The following MFSD6 variants were observed in gnomAD, a reference collection of about 807,000 sequenced individuals.
MFSD6 encodes major facilitator superfamily domain containing 6.
In MFSD6, 26 loss-of-function variants were observed where a neutral mutation model predicts 56.3. That is an observed-to-expected ratio of 0.46 (90% CI 0.34 to 0.64). The LOEUF is 0.64. Ranked by LOEUF, MFSD6 falls within the 30% of genes least tolerant of loss-of-function variation. The pLI, the probability that MFSD6 is intolerant of heterozygous loss-of-function variation, is 0.01. For missense variants in MFSD6, 750 were observed against 986.2 expected (o/e 0.76, Z 3.21); for synonymous variants, 331 against 366.9 (o/e 0.90, Z 1.12).
rs146671728 is a variant in MFSD6, at chr2:190,483,696, G to A, written c.1631-4961G>A. ...CTAAGGGTACGAAAATTAGCTGGGC[G>A]TGGTGGCACACACCTGTAGTCCCAG... On this transcript the variant is annotated intron_variant, in intron 4 of 7. Transcript: ENST00000392328. 8.7e-3 allele frequency among the ~76,000 whole-genome samples: 1,319 copies of A among 152,082 alleles called. 13 individuals are homozygous for A. The highest frequency in any genetic ancestry group is 0.028 in the African/African-American group (1,164 of 41,486).
Position 190,465,662 on chromosome 2 carries a change from G to T in MFSD6, c.1533-4096G>T, listed in dbSNP as rs1047404530. 3.9e-5 allele frequency among the ~76,000 whole-genome samples: 6 copies of T among 152,022 alleles called. No homozygotes were observed. The highest frequency in any genetic ancestry group is 5.9e-5 in the Non-Finnish European group (4 of 68,004). On this transcript the variant is annotated intron_variant, in intron 3 of 7. Coordinates refer to ENST00000392328, the MANE Select transcript of MFSD6 (RefSeq NM_017694.4). This position sits in a 1 kb window ranked among gnomAD's most constrained non-coding sequence, Gnocchi z 4.6. ...AGAGTGAATGTGTTCATTTGCTTGG[G>T]TTACCACAAAGTACCACGGTCTGGG...
rs930870389 is a variant in MFSD6, at chr2:190,436,713, C to T, written c.684C>T (p.Pro228=). The stretch of plus-strand genomic sequence containing the variant: ...TGAACAGTGAACCCACTCTGCAGCC[C>T]CAGACAGGTGAAATTACTAACCGTA... ...PNMNSEPTLQ[P]QTGEITNRMM... The change falls in exon 3 of 8, where the codon CCC becomes CCT. Residue 228 remains proline, a synonymous_variant. Coordinates refer to ENST00000392328, the MANE Select transcript of MFSD6 (RefSeq NM_017694.4). The surrounding 1 kb of genome is among the most constrained non-coding windows in gnomAD (Gnocchi z 5.3). 6.2e-6 allele frequency: 10 copies of T among 1,614,060 alleles called. No individual in the cohort carries two copies. The highest frequency in any genetic ancestry group is 8.5e-6 in the Non-Finnish European group (10 of 1,180,052).
rs1689251174 is a variant in MFSD6, at chr2:190,490,162, T to C, written c.1891+296T>C. Among the ~76,000 whole-genome samples the C allele has an allele frequency of 6.6e-6, 1 of 151,872 alleles. No individual in the cohort carries two copies. The highest frequency in any genetic ancestry group is 2.4e-5 in the African/African-American group (1 of 41,334). Reference sequence around the variant, plus strand: ...TTCAATTTCTCTGGTATTCTAAAGGTTTTTCAAATTTAAGTCAAATACATA... The same window carrying C: ...TTCAATTTCTCTGGTATTCTAAAGGCTTTTCAAATTTAAGTCAAATACATA... On this transcript the variant is annotated intron_variant, in intron 6 of 7. Transcript: ENST00000392328. This position sits in a 1 kb window ranked among gnomAD's most constrained non-coding sequence, Gnocchi z 4.5.
chr2:190,486,969 T>A (rs953637743), intron 4 of MFSD6, among the ~76,000 whole-genome samples: 3 of 152,358 alleles, frequency 2.0e-5, no homozygotes, highest in Admixed American at 6.5e-5. Context: ...TGTCTTCCTC[T>A]CATTCCCATA....
At chr2:190,411,158 GTAGTTTT>G (rs762340279) in intron 1 of MFSD6, 13 of 913,848 alleles carry the variant, frequency 1.4e-5, no homozygotes, top group South Asian at 5.1e-5. Flanking sequence ...ACTGTTGACA[GTAGTTTT>G]TTTTTTTTTT....
intron 4 of MFSD6, among the ~76,000 whole-genome samples, chr2:190,472,993 A>G (rs1227742764): frequency 1.3e-5 from 2 of 152,214 alleles, no homozygotes; most frequent in Non-Finnish European, 2.9e-5. Context: ...ACTAAGCTTT[A>G]TAAGTGAAGG....
chr2:190,436,535 C>A lies in MFSD6; in HGVS notation c.506C>A (p.Pro169His). The change falls in exon 3 of 8, where the codon CCC (proline) becomes CAC (histidine). Residue 169 changes from proline (P) to histidine (H), a missense_variant. By Grantham distance (77) the Pro-to-His change is moderately conservative (BLOSUM62 -2). Transcript: ENST00000392328. The surrounding 1 kb of genome is among the most constrained non-coding windows in gnomAD (Gnocchi z 5.3). ...CCAAAGATTCGCCCAACAACTCACCCCACCAATGCAAGTCACCAGTTAACT... is the reference window on the plus strand; with the variant it reads ...CCAAAGATTCGCCCAACAACTCACCACACCAATGCAAGTCACCAGTTAACT... The part of the protein sequence containing the change: ...CVPKIRPTTH[P>H]TNASHQLTIL... 6.2e-7 allele frequency: 1 copy of A among 1,614,232 alleles called. No homozygotes were observed. Among genetic ancestry groups the A allele is most frequent in the Non-Finnish European group, 8.5e-7 (1 of 1,180,040 alleles).
Position 190,465,719 on chromosome 2 carries a change from G to A in MFSD6, c.1533-4039G>A, listed in dbSNP as rs146020180. Among the ~76,000 whole-genome samples the A allele has an allele frequency of 1.8e-3, 273 of 152,226 alleles. 1 individual carries two copies. Among genetic ancestry groups the A allele is most frequent in the African/African-American group, 6.0e-3 (250 of 41,552 alleles). On this transcript the variant is annotated intron_variant, in intron 3 of 7. Coordinates refer to ENST00000392328, the MANE Select transcript of MFSD6 (RefSeq NM_017694.4). The surrounding 1 kb of genome is among the most constrained non-coding windows in gnomAD (Gnocchi z 4.6). Reference sequence around the variant, plus strand: ...AAAAAACAGAAGTTTATGGCCGGGCGTGGTGGCTCACGCCTATAATCCCAG... The same window carrying A: ...AAAAAACAGAAGTTTATGGCCGGGCATGGTGGCTCACGCCTATAATCCCAG...
Position 190,469,108 on chromosome 2 carries a change from T to G in MFSD6, c.1533-650T>G, listed in dbSNP as rs995654574. Among the ~76,000 whole-genome samples the G allele has an allele frequency of 6.6e-6, 1 of 152,198 alleles. No individual in the cohort carries two copies. Among genetic ancestry groups the G allele is most frequent in the Admixed American group, 6.5e-5 (1 of 15,272 alleles). ...GGGGTGAGAGAATGCAAGAGGTTGG[T>G]GTATATTTATTAGTTTTGTAAACAT... On this transcript the variant is annotated intron_variant, in intron 3 of 7. Transcript: ENST00000392328. The surrounding 1 kb of genome is among the most constrained non-coding windows in gnomAD (Gnocchi z 5.3).
chr2:190,411,276 C>T (rs537336140), intron 1 of MFSD6: 3 of 462,856 alleles, frequency 6.5e-6, no homozygotes, highest in Non-Finnish European at 5.7e-6. Context: ...TCTCCTGCCT[C>T]AGCCTCCCGA....
Position 190,433,994 on chromosome 2 carries a change from C to T in MFSD6, c.-53-1983C>T, listed in dbSNP as rs999916538. Reference sequence around the variant, plus strand: ...TCACTTGAGCCCAGGAGTTGGAGAACGGCCTGGGCAACATGGCAAAAACCC... The same window carrying T: ...TCACTTGAGCCCAGGAGTTGGAGAATGGCCTGGGCAACATGGCAAAAACCC... On this transcript the variant is annotated intron_variant, in intron 2 of 7. Transcript: ENST00000392328. The surrounding 1 kb of genome is among the most constrained non-coding windows in gnomAD (Gnocchi z 4.5). 7.9e-5 allele frequency among the ~76,000 whole-genome samples: 12 copies of T among 151,928 alleles called. No individual in the cohort carries two copies. The highest frequency in any genetic ancestry group is 1.9e-4 in the East Asian group (1 of 5,190).
rs1559111733 is a variant in MFSD6 at position 190,437,709 on chromosome 2, C to T, written c.1532+148C>T. The T allele has an allele frequency of 1.2e-5, 12 of 1,010,240 alleles. No homozygotes were observed. The highest frequency in any genetic ancestry group is 1.7e-5 in the Non-Finnish European group (12 of 713,756). 62.6% of individuals were successfully genotyped at this position (1,010,240 alleles called of 1,614,324 possible). A position where few individuals can be genotyped will look rare whatever the true frequency, so the allele number is the denominator to read the frequency against. On this transcript the variant is annotated intron_variant, in intron 3 of 7. Coordinates refer to ENST00000392328, the MANE Select transcript of MFSD6 (RefSeq NM_017694.4). This position sits in a 1 kb window ranked among gnomAD's most constrained non-coding sequence, Gnocchi z 5.9. ...AATGGGGATTTCTGTTTCTTTTCCTCCTTAAAATAGAAACAAAGGAAAGGA... is the reference window on the plus strand; with the variant it reads ...AATGGGGATTTCTGTTTCTTTTCCTTCTTAAAATAGAAACAAAGGAAAGGA...
Position 190,437,078 on chromosome 2 carries a change from A to G in MFSD6, c.1049A>G (p.His350Arg). 6 of 1,614,216 alleles carry G rather than the reference A, an allele frequency of 3.7e-6. No homozygotes were observed. Among genetic ancestry groups the G allele is most frequent in the Non-Finnish European group, 5.1e-6 (6 of 1,180,040 alleles). Reference protein sequence around the residue: ...LSVGIGIDYTHIEVLIDGKGC... With the variant: ...LSVGIGIDYTRIEVLIDGKGC... The stretch of plus-strand genomic sequence containing the variant: ...GTGGGCATCGGGATCGACTACACCC[A>G]CATCGAAGTGCTCATCGATGGAAAG... The change falls in exon 3 of 8, where the codon CAC becomes CGC. Residue 350 changes from histidine to arginine, a missense_variant. Physicochemically the swap from His to Arg is conservative, Grantham distance 29 (BLOSUM62 0). Coordinates refer to ENST00000392328, the MANE Select transcript of MFSD6 (RefSeq NM_017694.4). This position sits in a 1 kb window ranked among gnomAD's most constrained non-coding sequence, Gnocchi z 5.9.
rs933121311 is a variant in MFSD6 at position 190,412,576 on chromosome 2, C to T, written c.-175-2716C>T. On this transcript the variant is annotated intron_variant, in intron 1 of 7. Coordinates refer to ENST00000392328, the MANE Select transcript of MFSD6 (RefSeq NM_017694.4). This position sits in a 1 kb window ranked among gnomAD's most constrained non-coding sequence, Gnocchi z 4.1. ...GATTCCTGGGAAAAGCAAACAAACA[C>T]ATCTGATGTCAATTCTGTGTGGGGC... The T allele has an allele frequency of 7.1e-6, 7 of 985,270 alleles. No homozygotes were observed. The highest frequency in any genetic ancestry group is 1.7e-5 in the African/African-American group (1 of 57,210). The allele number at this position is 985,270 out of a possible 1,614,324, so 61.0% of individuals were successfully genotyped here.
intron 2 of MFSD6, among the ~76,000 whole-genome samples, chr2:190,429,517 G>A (rs911846356): frequency 2.0e-5 from 3 of 151,926 alleles, no homozygotes; most frequent in African/African-American, 4.8e-5. Context: ...TAGTAAAGAC[G>A]GGGTTTCATC....
intron 4 of MFSD6, among the ~76,000 whole-genome samples, chr2:190,480,161 T>C (rs62181032): frequency 0.23 from 35,251 of 152,172 alleles, 5,061 homozygotes; most frequent in South Asian, 0.34. Flanking sequence ...AGACCCTGTC[T>C]CAAAACAACA....
In MFSD6 at chr2:190,497,807, A is replaced by G. The variant is rs1236045950; in HGVS notation, c.2172+88A>G. 1.4e-6 allele frequency: 2 copies of G among 1,429,178 alleles called. No individual in the cohort carries two copies. The highest frequency in any genetic ancestry group is 1.3e-5 in the South Asian group (1 of 74,122). 88.5% of individuals were successfully genotyped at this position (1,429,178 alleles called of 1,614,324 possible). On this transcript the variant is annotated intron_variant, in intron 7 of 7. Coordinates refer to ENST00000392328, the MANE Select transcript of MFSD6 (RefSeq NM_017694.4). This position sits in a 1 kb window ranked among gnomAD's most constrained non-coding sequence, Gnocchi z 5.2. ...GTTTTAATTACTCACTTTTCATTCA[A>G]CAAGATTTATTGAAAGTCTGGTGGG...
At chr2:190,450,247 G>C (rs1686729246) in intron 3 of MFSD6, among the ~76,000 whole-genome samples, 1 of 151,972 alleles carries the variant, frequency 6.6e-6, no homozygotes, top group Non-Finnish European at 1.5e-5. Context: ...GGAAATATCT[G>C]GCAGACTGCA....
In MFSD6 at chr2:190,501,634, A is replaced by G. The variant is rs1690030032; in HGVS notation, c.*1416A>G. 6.6e-6 allele frequency: 1 copy of G among 152,570 alleles called. No individual in the cohort carries two copies. Among genetic ancestry groups the G allele is most frequent in the Non-Finnish European group, 1.5e-5 (1 of 68,048 alleles). The allele number at this position is 152,570 out of a possible 1,614,324, so 9.5% of individuals were successfully genotyped here. A position where few individuals can be genotyped will look rare whatever the true frequency, so the allele number is the denominator to read the frequency against. On this transcript the variant is annotated 3_prime_UTR_variant, in exon 8 of 8. Transcript: ENST00000392328. ...TACCCTCTGACCCTGATTAGACAGG[A>G]TCAATTGTAAAGTGAGGGCTTCTCC...
Sources: gnomAD v4.1 joint callset for allele counts (sites outside exome capture counted in the v4.1 genomes callset) on GRCh38, gnomAD v4.1.1 for gene constraint, Gnocchi (gnomAD v3.1) non-coding constraint, MANE v1.5 for transcripts, NCBI Gene and HGNC (gene_info 2026-07-23, HGNC 2026-07-21) for gene names.